Variants in GALNT17 observed in about 807,000 individuals in gnomAD.
GALNT17 encodes UDP-GalNAc:polypeptide N-acetylgalactosaminyltransferase-like 3.
GALNT17 carries 29 observed loss-of-function variants against 63.7 expected under a neutral mutation model. The ratio of observed to expected loss-of-function variants is 0.46; its 90% CI spans 0.34 to 0.62. GALNT17 has a LOEUF of 0.62. Ranked by LOEUF, GALNT17 falls within the 20% of genes least tolerant of loss-of-function variation. The pLI is 0.01. For synonymous variants in GALNT17, 305 were observed against 318.3 expected (o/e 0.96, Z 0.45); for missense variants, 603 against 799.6 (o/e 0.75, Z 2.97).
intron 1 of GALNT17, among the ~76,000 whole-genome samples, chr7:71,213,700 A>G (rs936632893): frequency 3.3e-5 from 5 of 152,154 alleles, no homozygotes; most frequent in African/African-American, 1.2e-4. Flanking sequence ...TGATAATTAA[A>G]TTCTTTTATA....
chr7:71,569,126 A>G (rs1789395838), intron 5 of GALNT17, among the ~76,000 whole-genome samples: 2 of 152,064 alleles, frequency 1.3e-5, no homozygotes, highest in Non-Finnish European at 2.9e-5. Context: ...CACGCACTAC[A>G]ATGCCTGGCT....
At chr7:71,252,574 G>A (rs919395388) in intron 1 of GALNT17, among the ~76,000 whole-genome samples, 1 of 152,092 alleles carries the variant, frequency 6.6e-6, no homozygotes, top group Non-Finnish European at 1.5e-5. Context: ...TATTTATGAC[G>A]TTTACTTGTC....
intron 1 of GALNT17, among the ~76,000 whole-genome samples, chr7:71,262,077 A>T (rs1216980739): frequency 6.6e-6 from 1 of 152,028 alleles, no homozygotes; most frequent in Non-Finnish European, 1.5e-5. Flanking sequence ...TGTCAGGATG[A>T]ATTGCCCTGT....
In GALNT17 at chr7:71,160,382, A is replaced by G. The variant is rs953350398; in HGVS notation, c.238+27342A>G. On this transcript the variant is annotated intron_variant, in intron 1 of 10. Transcript: ENST00000333538. ...GTTGAGTTCCTTCAATGATTTTGCCATAAGTCACATTCTCATGTTGCTATA... is the reference window on the plus strand; with the variant it reads ...GTTGAGTTCCTTCAATGATTTTGCCGTAAGTCACATTCTCATGTTGCTATA... 1.2e-4 allele frequency among the ~76,000 whole-genome samples: 18 copies of G among 152,188 alleles called. 1 individual carries two copies. Among genetic ancestry groups the G allele is most frequent in the Middle Eastern group, 3.2e-3 (1 of 316 alleles).
rs78994018 is a variant in GALNT17, at chr7:71,147,028, A to G, written c.238+13988A>G. ...TTAGGTGCTGTACTTCCCTGGTGAAAGAGCATGAATTTGGGTTCAGGAGAC... is the reference window on the plus strand; with the variant it reads ...TTAGGTGCTGTACTTCCCTGGTGAAGGAGCATGAATTTGGGTTCAGGAGAC... On this transcript the variant is annotated intron_variant, in intron 1 of 10. Transcript: ENST00000333538. 5.7e-4 allele frequency among the ~76,000 whole-genome samples: 87 copies of G among 152,294 alleles called. No individual in the cohort carries two copies. In the East Asian group the frequency reaches 0.016, roughly 28 times the overall value.
chr7:71,315,671 G>A (rs1483579631), intron 1 of GALNT17, among the ~76,000 whole-genome samples: 1 of 152,178 alleles, frequency 6.6e-6, no homozygotes. Flanking sequence ...CAATCACTGA[G>A]GTTAAGGCTA....
At chr7:71,270,947 AAAAG>A (rs1296107944) in intron 1 of GALNT17, among the ~76,000 whole-genome samples, 1 of 151,644 alleles carries the variant, frequency 6.6e-6, no homozygotes, top group Non-Finnish European at 1.5e-5. Context: ...AGAGAAAAAA[AAAAG>A]AAGAAAAGAA....
At chr7:71,428,883 T>C (rs1369958462) in intron 5 of GALNT17, among the ~76,000 whole-genome samples, 1 of 152,208 alleles carries the variant, frequency 6.6e-6, no homozygotes, top group East Asian at 1.9e-4. Context: ...GCACGTTCCC[T>C]TTCGTAAGTG....
chr7:71,362,884 C>T (rs1429821983), intron 2 of GALNT17, among the ~76,000 whole-genome samples: 1 of 152,140 alleles, frequency 6.6e-6, no homozygotes, highest in African/African-American at 2.4e-5. Flanking sequence ...ATCTCAGCCA[C>T]GCTGAACACT....
rs186848751 is a variant in GALNT17, at chr7:71,506,542, C to T, written c.963-64743C>T. Among the ~76,000 whole-genome samples, 24 of 152,282 alleles carry T rather than the reference C, an allele frequency of 1.6e-4. No individual in the cohort carries two copies. In the East Asian group the frequency reaches 4.4e-3, roughly 28 times the overall value. ...TCGGCCTCCCAAAGTGCTGGGATTACAGGCGTGAGCTACCCTACCTGGACT... is the reference window on the plus strand; with the variant it reads ...TCGGCCTCCCAAAGTGCTGGGATTATAGGCGTGAGCTACCCTACCTGGACT... On this transcript the variant is annotated intron_variant, in intron 5 of 10. Transcript: ENST00000333538.
At chr7:71,245,399 A>C (rs1299438458) in intron 1 of GALNT17, among the ~76,000 whole-genome samples, 1 of 152,198 alleles carries the variant, frequency 6.6e-6, no homozygotes, top group African/African-American at 2.4e-5. Context: ...ACGGGTGTAA[A>C]GAAGGGCACA....
At chr7:71,422,526 G>A (rs76543786) in intron 5 of GALNT17, among the ~76,000 whole-genome samples, 1,570 of 152,338 alleles carry the variant, frequency 0.01, 30 homozygotes, top group African/African-American at 0.036. Context: ...CCTTTGCGGG[G>A]CATATGACAG....
intron 9 of GALNT17, among the ~76,000 whole-genome samples, chr7:71,681,870 T>C (rs1562734974): frequency 1.3e-5 from 2 of 152,212 alleles, no homozygotes; most frequent in South Asian, 2.1e-4. Context: ...GCAGTTACAT[T>C]TTGCTTTGGG....
At chr7:71,263,584 T>C (rs929396476) in intron 1 of GALNT17, among the ~76,000 whole-genome samples, 2 of 152,066 alleles carry the variant, frequency 1.3e-5, no homozygotes, top group Admixed American at 6.6e-5. Context: ...AAAGAGTGGG[T>C]CACAAACTTT....
At chr7:71,406,909 G>T (rs1793338134) in intron 3 of GALNT17, among the ~76,000 whole-genome samples, 1 of 151,924 alleles carries the variant, frequency 6.6e-6, no homozygotes, top group African/African-American at 2.4e-5. Context: ...GGGCATCAAA[G>T]CTAATTCTTA....
intron 5 of GALNT17, among the ~76,000 whole-genome samples, chr7:71,467,599 T>G (rs1447651800): frequency 6.6e-6 from 1 of 151,920 alleles, no homozygotes; most frequent in African/African-American, 2.4e-5. Context: ...AAAAATGACA[T>G]TTGGAGTAAT....
intron 2 of GALNT17, among the ~76,000 whole-genome samples, chr7:71,377,511 G>T (rs1792766087): frequency 6.6e-6 from 1 of 152,158 alleles, no homozygotes. Context: ...TTCTCTGGGT[G>T]TGTAGACTGA....
intron 5 of GALNT17, among the ~76,000 whole-genome samples, chr7:71,552,801 A>G (rs1789103100): frequency 6.6e-6 from 1 of 152,102 alleles, no homozygotes; most frequent in Non-Finnish European, 1.5e-5. Context: ...AGGGTGGTTT[A>G]CCAGGTTGCC....
chr7:71,397,940 C>CTTT (rs1554365190), intron 3 of GALNT17, among the ~76,000 whole-genome samples: 1 of 99,330 alleles, frequency 1.0e-5, no homozygotes, highest in African/African-American at 4.1e-5. Flanking sequence ...CCATTATTGT[C>CTTT]TTTGTTGTTG....
Sources: gnomAD v4.1 joint callset for allele counts (sites outside exome capture counted in the v4.1 genomes callset) on GRCh38, gnomAD v4.1.1 for gene constraint, MANE v1.5 for transcripts, NCBI Gene and HGNC (gene_info 2026-07-23, HGNC 2026-07-21) for gene names.